Variants in SCAF11 observed in about 807,000 individuals in gnomAD.
The protein encoded by SCAF11 is SR-related CTD associated factor 11.
In SCAF11, 47 loss-of-function variants were observed where a neutral mutation model predicts 140.5. That is an observed-to-expected ratio of 0.33 (90% confidence interval 0.26 to 0.43). SCAF11 has a LOEUF of 0.43. Among genes scored for constraint, SCAF11 ranks in the 20% least tolerant of loss-of-function variants. The pLI is 1.00. For missense variants in SCAF11, 1,645 were observed against 1,705.1 expected (o/e 0.96, Z 0.62); for synonymous variants, 557 against 579.4 (o/e 0.96, Z 0.55).
intron 8 of SCAF11, among the ~76,000 whole-genome samples, 177 bp from the exon 9 acceptor site, chr12:45,933,409 T>C (rs1359125292): frequency 6.6e-6 from 1 of 152,178 alleles, no homozygotes; most frequent in Non-Finnish European, 1.5e-5. Context: ...CTAAAATAAG[T>C]ACAATTTTTA....
chr12:45,942,639 T>C (rs1365127035), intron 6 of SCAF11, among the ~76,000 whole-genome samples: 1 of 152,218 alleles, frequency 6.6e-6, no homozygotes, highest in African/African-American at 2.4e-5. Flanking sequence ...GCTTTTACAC[T>C]TGCTGTTCCC....
At position 45,951,698 on chromosome 12, in the gene SCAF11, T is replaced by C. The variant is rs751380258; in HGVS notation, c.249A>G (p.Lys83=). The change falls in exon 4 of 15, where the codon AAA becomes AAG. Residue 83 remains lysine, a synonymous_variant. Transcript: ENST00000369367. Reference sequence around the variant, plus strand: ...TGAATTTAAACACTGCCTGAAAAGGTTTACGGTCAATAGGACATGAAGCCA... The same window carrying C: ...TGAATTTAAACACTGCCTGAAAAGGCTTACGGTCAATAGGACATGAAGCCA... The part of the protein sequence containing the change: ...ETLASCPIDR[K]PFQAVFKFSA... 6.3e-7 allele frequency: 1 copy of C among 1,592,866 alleles called. No homozygotes were observed. The highest frequency in any genetic ancestry group is 1.7e-5 in the Admixed American group (1 of 59,682).
At position 45,931,436 on chromosome 12, in the gene SCAF11, C is replaced by A. The variant is rs925370732; in HGVS notation, c.841+70G>T. 3 of 769,406 alleles carry A rather than the reference C, an allele frequency of 3.9e-6. No homozygotes were observed. The Admixed American group carries it at 1.2e-4, about 31-fold the overall frequency. 47.7% of individuals were successfully genotyped at this position (769,406 alleles called of 1,614,324 possible). Reference sequence around the variant, plus strand: ...CAGCTTTTCTAAGTCATCAAACACACATTTTTATGAAACTGGAAGAAACTA... The same window carrying A: ...CAGCTTTTCTAAGTCATCAAACACAAATTTTTATGAAACTGGAAGAAACTA... On this transcript the variant is annotated intron_variant, in intron 10 of 14. Transcript: ENST00000369367.
At chr12:45,923,429 A>G (rs1256787507) in intron 12 of SCAF11, among the ~76,000 whole-genome samples, 1 of 152,200 alleles carries the variant, frequency 6.6e-6, no homozygotes, top group Non-Finnish European at 1.5e-5. Flanking sequence ...GGAGGAGAAT[A>G]GCATTTAAAG....
At chr12:45,931,306 A>C (rs1945040211) in intron 10 of SCAF11, 200 bp downstream of exon 10, 2 of 321,990 alleles carry the variant, frequency 6.2e-6, no homozygotes, top group African/African-American at 4.3e-5. Context: ...GAGACTATGT[A>C]TCTATCTATC....
chr12:45,961,090 G>A (rs546658829), intron 3 of SCAF11: 51 of 479,800 alleles, frequency 1.1e-4, no homozygotes, highest in Middle Eastern at 9.2e-4. Flanking sequence ...TGTCTATGAC[G>A]GTAATATCTC....
intron 12 of SCAF11, among the ~76,000 whole-genome samples, chr12:45,923,370 T>C (rs972261385): frequency 1.3e-5 from 2 of 152,224 alleles, no homozygotes; most frequent in Non-Finnish European, 2.9e-5. Context: ...AGATGACTTT[T>C]AAATTATATA....
intron 1 of SCAF11, among the ~76,000 whole-genome samples, chr12:45,977,233 AC>A (rs1237078056): frequency 2.0e-5 from 3 of 152,168 alleles, no homozygotes; most frequent in Admixed American, 6.5e-5. Flanking sequence ...AAACTATGGT[AC>A]ATTCAATCAT....
At position 45,921,812 on chromosome 12, in the gene SCAF11, T is replaced by C; in HGVS notation, c.*236A>G. 1 of 474,178 alleles carries C rather than the reference T, an allele frequency of 2.1e-6. No individual in the cohort carries two copies. The highest frequency in any genetic ancestry group is 3.7e-6 in the Non-Finnish European group (1 of 267,892). The allele number at this position is 474,178 out of a possible 1,614,324, so 29.4% of individuals were successfully genotyped here. A position where few individuals can be genotyped will look rare whatever the true frequency, so the allele number is the denominator to read the frequency against. On this transcript the variant is annotated 3_prime_UTR_variant, in exon 15 of 15. Transcript: ENST00000369367. ...AGTCCTAGTAAAGATGCACATTCCTTTAAACCCTTTACTTTCCCTTGAATT... is the reference window on the plus strand; with the variant it reads ...AGTCCTAGTAAAGATGCACATTCCTCTAAACCCTTTACTTTCCCTTGAATT...
At chr12:45,935,355 CTGTAACAAA>C (rs1249549311) in intron 6 of SCAF11, among the ~76,000 whole-genome samples, 1 of 152,196 alleles carries the variant, frequency 6.6e-6, no homozygotes, top group Non-Finnish European at 1.5e-5. Context: ...CTCAGAACTA[CTGTAACAAA>C]TGTAATTTCA....
intron 1 of SCAF11, among the ~76,000 whole-genome samples, chr12:45,971,727 T>C (rs974523963): frequency 6.6e-6 from 1 of 152,076 alleles, no homozygotes; most frequent in Admixed American, 6.5e-5. Flanking sequence ...GTTTTCCCCC[T>C]TTCTCTGTTC....
intron 1 of SCAF11, among the ~76,000 whole-genome samples, chr12:45,989,628 AT>A (rs1180993451): frequency 6.6e-6 from 1 of 152,220 alleles, no homozygotes; most frequent in Non-Finnish European, 1.5e-5. Flanking sequence ...ATGGTTCAAA[AT>A]TCCTAGGTCT....
chr12:45,929,869 T>C (rs1295972006), intron 10 of SCAF11: 3 of 152,188 alleles, frequency 2.0e-5, no homozygotes, highest in Non-Finnish European at 4.4e-5. Context: ...AAATACAATA[T>C]AGTCGACCCT....
chr12:45,947,422 T>C (rs537858428), intron 5 of SCAF11, among the ~76,000 whole-genome samples: 1 of 152,186 alleles, frequency 6.6e-6, no homozygotes, highest in South Asian at 2.1e-4. Context: ...TTTAAAAAAA[T>C]GTTTTAACAT....
chr12:45,976,966 T>C (rs1476271113), intron 1 of SCAF11, among the ~76,000 whole-genome samples: 3 of 152,110 alleles, frequency 2.0e-5, no homozygotes, highest in Admixed American at 6.6e-5. Flanking sequence ...ATAGCCTGAA[T>C]AGCCTTAGGA....
chr12:45,955,975 G>A (rs1196447902), intron 3 of SCAF11: 1 of 638,542 alleles, frequency 1.6e-6, no homozygotes, highest in Non-Finnish European at 2.8e-6. Context: ...CAGTTAAGAA[G>A]GCAATTTTGA....
At chr12:45,972,358 GA>G (rs960058299) in intron 1 of SCAF11, among the ~76,000 whole-genome samples, 8 of 151,996 alleles carry the variant, frequency 5.3e-5, no homozygotes, top group Non-Finnish European at 1.2e-4. Flanking sequence ...AAGATGGGAG[GA>G]CTGCTTAAAG....
rs575384386 is a variant in SCAF11 at position 45,961,186 on chromosome 12, A to G, written c.219+514T>C. ...TAAATTCACTTCTGCCTCTTAAACTATGAGATCTTGACCAAGTCATAGAAC... is the reference window on the plus strand; with the variant it reads ...TAAATTCACTTCTGCCTCTTAAACTGTGAGATCTTGACCAAGTCATAGAAC... On this transcript the variant is annotated intron_variant, in intron 3 of 14. Transcript: ENST00000369367. The G allele has an allele frequency of 2.0e-5, 12 of 600,408 alleles. No homozygotes were observed. The Admixed American group carries it at 3.5e-4, about 18-fold the overall frequency. The allele number at this position is 600,408 out of a possible 1,614,324, so 37.2% of individuals were successfully genotyped here. A position where few individuals can be genotyped will look rare whatever the true frequency, so the allele number is the denominator to read the frequency against.
chr12:45,954,243 AT>A (rs1945621605), intron 3 of SCAF11, among the ~76,000 whole-genome samples: 1 of 150,572 alleles, frequency 6.6e-6, no homozygotes, highest in East Asian at 1.9e-4. Flanking sequence ...TATTTTTTTT[AT>A]TTTTTGAGAC....
Sources: gnomAD v4.1 joint callset for allele counts (sites outside exome capture counted in the v4.1 genomes callset) on GRCh38, gnomAD v4.1.1 for gene constraint, MANE v1.5 for transcripts, NCBI Gene and HGNC (gene_info 2026-07-23, HGNC 2026-07-21) for gene names.